Variants in SHISA9 observed in about 807,000 individuals in gnomAD.
SHISA9 encodes protein shisa-9.
A neutral mutation model predicts 38.0 loss-of-function variants in SHISA9; 13 were observed. That is an observed-to-expected ratio of 0.34 (90% confidence interval 0.22 to 0.54). The LOEUF (loss-of-function observed/expected upper bound fraction) is 0.54. Ranked by LOEUF, SHISA9 falls within the 20% of genes least tolerant of loss-of-function variation. The pLI is 0.91. For missense variants in SHISA9, 538 were observed against 575.8 expected (o/e 0.93, Z 0.67); for synonymous variants, 275 against 242.0 (o/e 1.14, Z -1.27).
intron 4 of SHISA9, among the ~76,000 whole-genome samples, chr16:13,231,567 G>A (rs561802947): frequency 7.9e-5 from 12 of 152,236 alleles, no homozygotes; most frequent in African/African-American, 2.6e-4. Context: ...ATACCTTCAG[G>A]TAGCCCTAGA....
At chr16:13,461,623 A>ATTTTT in the SHISA9 span, among the ~76,000 whole-genome samples, 1 of 106,864 alleles carries the variant, frequency 9.4e-6, no homozygotes, top group Non-Finnish European at 1.8e-5. Flanking sequence ...TTTTTTTTTA[A>ATTTTT]TTTTTTTTTT....
chr16:12,907,756 G>A (rs999600957), intron 1 of SHISA9, among the ~76,000 whole-genome samples: 3 of 152,132 alleles, frequency 2.0e-5, no homozygotes, highest in Admixed American at 2.0e-4. Context: ...GAGATTTCAC[G>A]CAGGAATCCA....
At chr16:13,446,895 G>A in the SHISA9 span, among the ~76,000 whole-genome samples, 1 of 151,656 alleles carries the variant, frequency 6.6e-6, no homozygotes, top group Admixed American at 6.6e-5. Context: ...AACGAGAATC[G>A]CTTGAACCTG....
At chr16:13,286,988 A>AT in the SHISA9 span, among the ~76,000 whole-genome samples, 119 of 152,122 alleles carry the variant, frequency 7.8e-4, 1 homozygote, top group Middle Eastern at 0.017. Context: ...ATTTTTGTTA[A>AT]TTTTTTTTAA....
chr16:13,192,316 C>T (rs2142042106), intron 2 of SHISA9, among the ~76,000 whole-genome samples: 1 of 152,170 alleles, frequency 6.6e-6, no homozygotes, highest in Non-Finnish European at 1.5e-5. Flanking sequence ...GACCCCGACC[C>T]TGACCTTTAT....
At chr16:13,162,588 G>A (rs2050604612) in intron 2 of SHISA9, among the ~76,000 whole-genome samples, 2 of 152,136 alleles carry the variant, frequency 1.3e-5, no homozygotes, top group Admixed American at 6.6e-5. Context: ...TGGTAGAACT[G>A]GGCTATGGCA....
chr16:13,092,693 G>T (rs1346143214), intron 2 of SHISA9, among the ~76,000 whole-genome samples: 3 of 152,226 alleles, frequency 2.0e-5, no homozygotes, highest in Non-Finnish European at 4.4e-5. Context: ...CAGTATTTGG[G>T]CAGGGAGTGT....
chr16:13,420,245 C>CAAAAAAAAAAAAA, the SHISA9 span, among the ~76,000 whole-genome samples: 83 of 50,406 alleles, frequency 1.6e-3, 8 homozygotes, highest in East Asian at 3.6e-3. Context: ...GAATCTGTTT[C>CAAAAAAAAAAAAA]AAAAAAAAAA....
the SHISA9 span, among the ~76,000 whole-genome samples, chr16:13,550,489 C>T: frequency 2.6e-5 from 4 of 152,152 alleles, no homozygotes; most frequent in Non-Finnish European, 5.9e-5. Context: ...AACTCTTAAC[C>T]ATAGATCAGC....
chr16:13,312,657 A>G, the SHISA9 span, among the ~76,000 whole-genome samples: 1 of 152,222 alleles, frequency 6.6e-6, no homozygotes. Context: ...TGATTACAAT[A>G]GCAAATAATT....
chr16:13,132,495 C>G (rs750839828), intron 2 of SHISA9, among the ~76,000 whole-genome samples: 1 of 152,050 alleles, frequency 6.6e-6, no homozygotes, highest in East Asian at 1.9e-4. Context: ...TGGGGAGTGT[C>G]TTGTACATTT....
the SHISA9 span, among the ~76,000 whole-genome samples, chr16:13,520,371 G>A: frequency 2.2e-4 from 34 of 152,070 alleles, no homozygotes; most frequent in African/African-American, 6.3e-4. Flanking sequence ...AGGCCAAGGC[G>A]GGCAGATCAC....
At chr16:13,390,779 G>A in the SHISA9 span, among the ~76,000 whole-genome samples, 14 of 152,210 alleles carry the variant, frequency 9.2e-5, no homozygotes. Context: ...AAAATGGAAA[G>A]AAAGGCTTTG....
At chr16:13,159,070 A>C (rs111387819) in intron 2 of SHISA9, among the ~76,000 whole-genome samples, 15 of 151,808 alleles carry the variant, frequency 9.9e-5, no homozygotes, top group African/African-American at 2.4e-4. Flanking sequence ...AAAAAAAAAA[A>C]AACAAAACCA....
chr16:13,044,895 A>G (rs1295036124), intron 2 of SHISA9, among the ~76,000 whole-genome samples: 1 of 152,218 alleles, frequency 6.6e-6, no homozygotes, highest in African/African-American at 2.4e-5. Flanking sequence ...AATAAAAACT[A>G]TAATTTATGT....
chr16:13,018,878 C>A (rs1382868746), intron 2 of SHISA9, among the ~76,000 whole-genome samples: 1 of 152,190 alleles, frequency 6.6e-6, no homozygotes, highest in Non-Finnish European at 1.5e-5. Flanking sequence ...GGTCCCAGAA[C>A]CGAAGAACGC....
At chr16:12,936,433 A>C (rs1483978266) in intron 2 of SHISA9, among the ~76,000 whole-genome samples, 1 of 152,134 alleles carries the variant, frequency 6.6e-6, no homozygotes, top group Non-Finnish European at 1.5e-5. Flanking sequence ...TGTGAACTCA[A>C]CTCTGTGATC....
At chr16:12,953,131 G>A (rs982365561) in intron 2 of SHISA9, among the ~76,000 whole-genome samples, 2 of 151,204 alleles carry the variant, frequency 1.3e-5, no homozygotes, top group Admixed American at 1.3e-4. Flanking sequence ...GTGGTCAGGG[G>A]ACATCTCTTT....
the SHISA9 span, among the ~76,000 whole-genome samples, chr16:13,535,573 T>A: frequency 1.3e-5 from 2 of 152,212 alleles, no homozygotes; most frequent in Non-Finnish European, 2.9e-5. Context: ...AATGGCAGGA[T>A]TGAGTGGTTG....
Sources: allele counts gnomAD v4.1 joint callset (sites outside exome capture counted in the v4.1 genomes callset), GRCh38; gene constraint gnomAD v4.1.1; transcripts MANE v1.5; gene names NCBI Gene and HGNC (gene_info 2026-07-23, HGNC 2026-07-21).